Variants in TDRD5 observed in about 807,000 individuals in gnomAD.
TDRD5 encodes tudor domain-containing protein 5.
Under a neutral mutation model 120.6 loss-of-function variants are expected in TDRD5, and 41 were observed. The observed-to-expected ratio is 0.34, with a 90% confidence interval of 0.26 to 0.44. TDRD5 has a LOEUF of 0.44. Among genes scored for constraint, TDRD5 ranks in the 20% least tolerant of loss-of-function variants. The pLI is 1.00. For synonymous variants in TDRD5, 430 were observed against 433.7 expected (o/e 0.99, Z 0.11); for missense variants, 1,006 against 1,221.2 (o/e 0.82, Z 2.63).
chr1:179,596,714 C>T (rs952371349), intron 4 of TDRD5, among the ~76,000 whole-genome samples: 2 of 152,132 alleles, frequency 1.3e-5, no homozygotes, highest in Non-Finnish European at 2.9e-5. Context: ...TATACCTTCC[C>T]CATTAGATGA....
At chr1:179,649,047 T>C (rs189220188) in intron 11 of TDRD5, among the ~76,000 whole-genome samples, 1 of 152,296 alleles carries the variant, frequency 6.6e-6, no homozygotes, top group East Asian at 1.9e-4. Context: ...CATTACTGGC[T>C]TCTGGTTTCC....
chr1:179,610,354 T>C (rs1480800112), intron 4 of TDRD5, among the ~76,000 whole-genome samples: 5 of 152,218 alleles, frequency 3.3e-5, no homozygotes, highest in African/African-American at 1.2e-4. Context: ...TCTTCCTTTG[T>C]AGGTAAGCTG....
chr1:179,639,150 A>G (rs962679528), intron 9 of TDRD5, among the ~76,000 whole-genome samples: 3 of 152,348 alleles, frequency 2.0e-5, no homozygotes, highest in Non-Finnish European at 4.4e-5. Context: ...AACAATAGCT[A>G]ATATTTGAGT....
At chr1:179,625,813 A>G (rs1677090785) in intron 6 of TDRD5, among the ~76,000 whole-genome samples, 1 of 152,228 alleles carries the variant, frequency 6.6e-6, no homozygotes. Flanking sequence ...ATACTATTCC[A>G]CATATGTCCA....
chr1:179,690,681 C>T lies in TDRD5; in HGVS notation c.2861-15C>T. On this transcript the variant is annotated splice_polypyrimidine_tract_variant and intron_variant, in intron 17 of 17. Coordinates refer to ENST00000444136, the MANE Select transcript of TDRD5 (RefSeq NM_001199085.3). The stretch of plus-strand genomic sequence containing the variant: ...TACCCCTTGAAAAGATGTTTGTGTA[C>T]TCTTTCTTTTCCAGTGGAAAGCTCA... 6.2e-7 allele frequency: 1 copy of T among 1,609,836 alleles called. No individual in the cohort carries two copies. Among genetic ancestry groups the T allele is most frequent in the Non-Finnish European group, 8.5e-7 (1 of 1,177,590 alleles).
intron 14 of TDRD5, 68 bp from the exon 15 acceptor site, chr1:179,662,036 C>A: frequency 7.2e-7 from 1 of 1,389,142 alleles, no homozygotes. Flanking sequence ...AACTATAAAA[C>A]CTAAATTTTA....
At chr1:179,645,084 T>TC (rs1678270945) in intron 11 of TDRD5, among the ~76,000 whole-genome samples, 1 of 129,714 alleles carries the variant, frequency 7.7e-6, no homozygotes, top group East Asian at 2.2e-4. Flanking sequence ...TTCTTTTTTT[T>TC]TTTTTTTTTT....
chr1:179,593,863 A>C lies in TDRD5; in HGVS notation c.636A>C (p.Pro212=). Residue 212 remains proline (P), a synonymous_variant, in exon 3 of 18, where the codon CCA becomes CCC. Transcript: ENST00000444136. The stretch of plus-strand genomic sequence containing the variant: ...CAGAGGAAAAGCCGAGAGGATGTCC[A>C]GCAGGTACGCATGTGAGCAAATGTT... ...SVTEEKPRGC[P]AGKIFTQPFR... The C allele has an allele frequency of 6.2e-7, 1 of 1,612,438 alleles. No homozygotes were observed. Among genetic ancestry groups the C allele is most frequent in the Non-Finnish European group, 8.5e-7 (1 of 1,178,810 alleles).
intron 17 of TDRD5, among the ~76,000 whole-genome samples, chr1:179,688,318 G>T (rs1393312024): frequency 6.6e-6 from 1 of 152,120 alleles, no homozygotes; most frequent in Non-Finnish European, 1.5e-5. Context: ...TAGTTTGGCT[G>T]GATATGAAAT....
chr1:179,635,739 A>T lies in TDRD5; in HGVS notation c.1372A>T (p.Asn458Tyr). ...NHDIPPDAVP[N>Y]KKLCRLPPLD... ...TGACATCCCGCCAGACGCTGTGCCGAACAAGAAATTATGCAGACTCCCACC... is the reference window on the plus strand; with the variant it reads ...TGACATCCCGCCAGACGCTGTGCCGTACAAGAAATTATGCAGACTCCCACC... Residue 458 changes from asparagine (N) to tyrosine (Y), a missense_variant, in exon 9 of 18, where the codon AAC (asparagine) becomes TAC (tyrosine). Coordinates refer to ENST00000444136, the MANE Select transcript of TDRD5 (RefSeq NM_001199085.3). 1 of 1,614,114 alleles carries T rather than the reference A, an allele frequency of 6.2e-7. No homozygotes were observed. Among genetic ancestry groups the T allele is most frequent in the Non-Finnish European group, 8.5e-7 (1 of 1,180,014 alleles).
chr1:179,592,961 G>A, intron 2 of TDRD5, 114 bp downstream of exon 2: 1 of 1,102,652 alleles, frequency 9.1e-7, no homozygotes, highest in Non-Finnish European at 1.3e-6. Context: ...TTTTAATTTG[G>A]TGGGGGAGGG....
intron 16 of TDRD5, among the ~76,000 whole-genome samples, chr1:179,667,772 T>C (rs1006998811): frequency 6.6e-6 from 1 of 152,170 alleles, no homozygotes; most frequent in Non-Finnish European, 1.5e-5. Context: ...AGTTTTAGAA[T>C]TTCTTTTTTG....
intron 14 of TDRD5, 105 bp from the exon 15 acceptor site, chr1:179,661,999 T>C: frequency 3.8e-6 from 4 of 1,050,134 alleles, no homozygotes; most frequent in Non-Finnish European, 5.2e-6. Context: ...GAATTCAAAC[T>C]GTCATCTTTA....
At chr1:179,615,680 T>C (rs901335828) in intron 4 of TDRD5, among the ~76,000 whole-genome samples, 6 of 152,138 alleles carry the variant, frequency 3.9e-5, no homozygotes, top group African/African-American at 1.4e-4. Flanking sequence ...CTGCCCTCTA[T>C]AATTATAGAT....
chr1:179,684,247 T>C (rs1212013418), intron 17 of TDRD5, among the ~76,000 whole-genome samples: 1 of 152,150 alleles, frequency 6.6e-6, no homozygotes, highest in African/African-American at 2.4e-5. Context: ...CCATCCTGTG[T>C]CCAAATGTTC....
chr1:179,598,803 G>A (rs1449715439), intron 4 of TDRD5, among the ~76,000 whole-genome samples: 1 of 151,856 alleles, frequency 6.6e-6, no homozygotes, highest in African/African-American at 2.4e-5. Flanking sequence ...TGCATAGACC[G>A]TCATGCCATC....
At chr1:179,637,184 A>G (rs545049380) in intron 9 of TDRD5, among the ~76,000 whole-genome samples, 12 of 152,324 alleles carry the variant, frequency 7.9e-5, no homozygotes, top group South Asian at 2.1e-4. Context: ...TAATTTGACA[A>G]TAGTATGTAT....
Position 179,691,098 on chromosome 1 carries a change from T to G in TDRD5, c.*155T>G, listed in dbSNP as rs1490258431. 5 of 941,922 alleles carry G rather than the reference T, an allele frequency of 5.3e-6. No homozygotes were observed. The highest frequency in any genetic ancestry group is 6.1e-6 in the Non-Finnish European group (4 of 658,302). 58.3% of individuals were successfully genotyped at this position (941,922 alleles called of 1,614,324 possible). A position where few individuals can be genotyped will look rare whatever the true frequency, so the allele number is the denominator to read the frequency against. ...TATGTTAGCTTTATTATGCTAACAG[T>G]CTACTTTGATGTGTAAGTAAGTATT... On this transcript the variant is annotated 3_prime_UTR_variant, in exon 18 of 18. Coordinates refer to ENST00000444136, the MANE Select transcript of TDRD5 (RefSeq NM_001199085.3).
At chr1:179,618,974 A>G (rs1189237455) in intron 5 of TDRD5, among the ~76,000 whole-genome samples, 2 of 152,060 alleles carry the variant, frequency 1.3e-5, no homozygotes, top group Admixed American at 6.6e-5. Flanking sequence ...CCAAATACCA[A>G]TTTTATAAAT....
Sources: gnomAD v4.1 joint callset for allele counts (sites outside exome capture counted in the v4.1 genomes callset) on GRCh38, gnomAD v4.1.1 for gene constraint, MANE v1.5 for transcripts, NCBI Gene and HGNC (gene_info 2026-07-23, HGNC 2026-07-21) for gene names.